ADAMTSL1: variants seen among roughly 807,000 people sequenced by gnomAD.
ADAMTSL1 encodes the protein ADAMTS-like protein 1.
In ADAMTSL1, 126 loss-of-function variants were observed where a neutral mutation model predicts 201.8. The observed-to-expected ratio is 0.62, with a 90% CI of 0.54 to 0.72. The LOEUF is 0.72. Ranked by LOEUF, ADAMTSL1 falls within the 30% of genes least tolerant of loss-of-function variation. ADAMTSL1 has a pLI of 0.00. For synonymous variants in ADAMTSL1, 1,121 were observed against 903.4 expected (o/e 1.24, Z -4.32); for missense variants, 2,679 against 2,277.8 (o/e 1.18, Z -3.59).
At chr9:17,966,776 T>C (rs1031509435) in intron 1 of ADAMTSL1, among the ~76,000 whole-genome samples, 3 of 152,168 alleles carry the variant, frequency 2.0e-5, no homozygotes, top group Non-Finnish European at 4.4e-5. Context: ...TTTCTTTTAT[T>C]ATTATTTGGA....
intron 14 of ADAMTSL1, among the ~76,000 whole-genome samples, chr9:18,714,576 T>C (rs1832802547): frequency 7.0e-6 from 1 of 143,432 alleles, no homozygotes; most frequent in Non-Finnish European, 1.6e-5. Context: ...GATAGACCAA[T>C]AACAGGATCT....
chr9:18,339,375 A>G (rs1835376094), intron 2 of ADAMTSL1, among the ~76,000 whole-genome samples: 1 of 152,156 alleles, frequency 6.6e-6, no homozygotes. Context: ...ACTAATCACT[A>G]CAGAAATGCA....
At chr9:18,549,176 A>C (rs1336558343) in intron 3 of ADAMTSL1, among the ~76,000 whole-genome samples, 2 of 152,072 alleles carry the variant, frequency 1.3e-5, no homozygotes, top group African/African-American at 4.8e-5. Context: ...ATGGTCAAAC[A>C]TCAGAAGGAG....
intron 1 of ADAMTSL1, among the ~76,000 whole-genome samples, chr9:17,988,087 C>G (rs780939221): frequency 6.6e-6 from 1 of 152,028 alleles, no homozygotes; most frequent in Non-Finnish European, 1.5e-5. Flanking sequence ...TTCCACTATT[C>G]TGACATTTAT....
At chr9:18,444,723 C>A (rs1820123296) in intron 2 of ADAMTSL1, among the ~76,000 whole-genome samples, 1 of 152,058 alleles carries the variant, frequency 6.6e-6, no homozygotes, top group South Asian at 2.1e-4. Flanking sequence ...CGAGTTAAGG[C>A]CAAAGGGATG....
At chr9:18,743,086 C>G (rs1429554773) in intron 15 of ADAMTSL1, among the ~76,000 whole-genome samples, 1 of 152,138 alleles carries the variant, frequency 6.6e-6, no homozygotes, top group Non-Finnish European at 1.5e-5. Flanking sequence ...TAACAGCCAG[C>G]AGGAATTCTA....
chr9:18,758,046 C>G (rs1159333758), intron 16 of ADAMTSL1, among the ~76,000 whole-genome samples: 1 of 152,146 alleles, frequency 6.6e-6, no homozygotes, highest in Non-Finnish European at 1.5e-5. Flanking sequence ...TGTGAGGAAC[C>G]TGAAGTATTG....
intron 23 of ADAMTSL1, among the ~76,000 whole-genome samples, chr9:18,834,728 T>G (rs903328555): frequency 6.6e-6 from 1 of 152,194 alleles, no homozygotes; most frequent in Admixed American, 6.5e-5. Context: ...AGAAAAGGAC[T>G]AATGCCTTTG....
intron 1 of ADAMTSL1, among the ~76,000 whole-genome samples, chr9:18,035,904 A>T (rs745851307): frequency 3.9e-5 from 6 of 152,194 alleles, no homozygotes; most frequent in Non-Finnish European, 8.8e-5. Flanking sequence ...TATATATGCT[A>T]AGAGCTGTGC....
chr9:18,701,730 CA>C (rs1333052093), intron 13 of ADAMTSL1, among the ~76,000 whole-genome samples: 1 of 152,086 alleles, frequency 6.6e-6, no homozygotes, highest in East Asian at 1.9e-4. Flanking sequence ...CTGCATGTTT[CA>C]ATTTGCATTT....
At chr9:18,572,540 C>T (rs1298293668) in intron 3 of ADAMTSL1, among the ~76,000 whole-genome samples, 1 of 152,094 alleles carries the variant, frequency 6.6e-6, no homozygotes, top group Non-Finnish European at 1.5e-5. Flanking sequence ...ACTCTGAGAA[C>T]ACATAATACT....
At chr9:18,794,411 A>C (rs548439697) in intron 19 of ADAMTSL1, among the ~76,000 whole-genome samples, 1,514 of 86,728 alleles carry the variant, frequency 0.017, 17 homozygotes, top group Admixed American at 0.035. Context: ...TCTCAAAAAA[A>C]AAAAACAAAA....
chr9:18,237,704 G>A (rs1337321019), intron 2 of ADAMTSL1, among the ~76,000 whole-genome samples: 1 of 151,930 alleles, frequency 6.6e-6, no homozygotes, highest in Non-Finnish European at 1.5e-5. Flanking sequence ...TTTTTGTTGT[G>A]CTCTGATGCA....
chr9:18,805,786 T>TCTAATGA (rs965654446), intron 20 of ADAMTSL1, among the ~76,000 whole-genome samples: 2 of 152,182 alleles, frequency 1.3e-5, no homozygotes, highest in Non-Finnish European at 2.9e-5. Flanking sequence ...CCAGGAAAAC[T>TCTAATGA]CTGTCAGTCA....
chr9:18,675,978 GATATAC>G (rs1238745803), intron 10 of ADAMTSL1, 71 bp downstream of exon 10: 5 of 1,308,544 alleles, frequency 3.8e-6, no homozygotes, highest in Admixed American at 3.4e-5. Flanking sequence ...TATATATAGA[GATATAC>G]ATATACATAG....
intron 23 of ADAMTSL1, among the ~76,000 whole-genome samples, chr9:18,851,619 T>C (rs902850935): frequency 1.1e-4 from 16 of 152,090 alleles, no homozygotes; most frequent in African/African-American, 3.9e-4. Flanking sequence ...CTGTTCAGGG[T>C]TGGCGTGGGG....
chr9:17,962,772 G>C (rs1817806881), intron 1 of ADAMTSL1, among the ~76,000 whole-genome samples: 1 of 152,200 alleles, frequency 6.6e-6, no homozygotes, highest in South Asian at 2.1e-4. Flanking sequence ...GCTTTCATCT[G>C]TTTTCCTGAA....
intron 2 of ADAMTSL1, among the ~76,000 whole-genome samples, chr9:18,443,053 A>G (rs1820059006): frequency 6.6e-6 from 1 of 152,126 alleles, no homozygotes; most frequent in Non-Finnish European, 1.5e-5. Flanking sequence ...TGCCATTGCC[A>G]CTGACATCTG....
intron 1 of ADAMTSL1, among the ~76,000 whole-genome samples, chr9:17,941,277 C>G (rs118134540): frequency 0.016 from 2,366 of 152,102 alleles, 23 homozygotes; most frequent in Non-Finnish European, 0.023. Context: ...TTGGAAACTT[C>G]TAATTTACCC....
Sources: allele counts gnomAD v4.1 joint callset (sites outside exome capture counted in the v4.1 genomes callset), GRCh38; gene constraint gnomAD v4.1.1; transcripts MANE v1.5; gene names NCBI Gene and HGNC (gene_info 2026-07-23, HGNC 2026-07-21).